HIPK2: variants seen among roughly 807,000 people sequenced by gnomAD.
HIPK2 encodes homeodomain interacting protein kinase 2.
HIPK2 carries 27 observed loss-of-function variants against 113.7 expected under a neutral mutation model. The observed-to-expected ratio is 0.24, with a 90% CI of 0.17 to 0.33. The LOEUF is 0.33. Among genes scored for constraint, HIPK2 ranks in the 10% least tolerant of loss-of-function variants. The probability of loss-of-function intolerance (pLI) is 1.00; values close to 1 mark genes in which losing one functional copy is unlikely to be tolerated. For synonymous variants in HIPK2, 631 were observed against 642.2 expected, an observed-to-expected ratio of 0.98 and a Z score of 0.26; for missense variants, 1,257 against 1,588.0, an observed-to-expected ratio of 0.79 and a Z score of 3.54.
chr7:139,753,837 T>C (rs1426670287), intron 1 of HIPK2, among the ~76,000 whole-genome samples: 1 of 152,256 alleles, frequency 6.6e-6, no homozygotes, highest in African/African-American at 2.4e-5. Context: ...CCTTTAATTA[T>C]GCCAATTGTG....
At position 139,678,720 on chromosome 7, in the gene HIPK2, G is replaced by A. The variant is rs193158088; in HGVS notation, c.1103+37212C>T. ...AAGAAAGTCAGTGGTAGCTTGATGG[G>A]GATAGCACTGAATCTATAAATTACT... is the stretch of plus-strand genomic sequence containing the variant. On this transcript the variant is annotated intron_variant, in intron 2 of 14. Transcript: ENST00000406875. Among the ~76,000 whole-genome samples, 126 of 152,202 alleles carry A rather than the reference G, an allele frequency of 8.3e-4. No individual in the cohort carries two copies. In the East Asian group the frequency reaches 0.021, roughly 26 times the overall value.
At chr7:139,595,748 T>C (rs1799186560) in intron 12 of HIPK2, among the ~76,000 whole-genome samples, 1 of 152,378 alleles carries the variant, frequency 6.6e-6, no homozygotes, top group East Asian at 1.9e-4. Flanking sequence ...CTATACATTT[T>C]GTAATGATTT....
Position 139,613,307 on chromosome 7 carries a change from G to A in HIPK2, c.2007C>T (p.Pro669=). ...GCACCGAGTAGCCAGCGTGCTTAGA[G>A]GGAGAGGCCTGCAAGCCTGTTCCAG... The part of the protein sequence containing the change: ...PPGFQGLQAS[P]SKHAGYSVRM... Residue 669 remains proline (P), a synonymous_variant, in exon 9 of 15, where the codon CCC becomes CCT. Transcript: ENST00000406875. The surrounding 1 kb of genome is among the most constrained non-coding windows in gnomAD (Gnocchi z 4.2). 3.1e-6 allele frequency: 5 copies of A among 1,613,586 alleles called. No homozygotes were observed. Among genetic ancestry groups the A allele is most frequent in the African/African-American group, 1.3e-5 (1 of 75,044 alleles).
chr7:139,605,315 G>A (rs1799583669), intron 9 of HIPK2, among the ~76,000 whole-genome samples: 1 of 151,490 alleles, frequency 6.6e-6, no homozygotes, highest in South Asian at 2.1e-4. Context: ...GCTTGTCTTT[G>A]GTCATTAGAT....
At chr7:139,696,627 A>C (rs1245129581) in intron 2 of HIPK2, among the ~76,000 whole-genome samples, 1 of 152,024 alleles carries the variant, frequency 6.6e-6, no homozygotes, top group Non-Finnish European at 1.5e-5. Flanking sequence ...TTTTCTGATT[A>C]GGGAAGATAG....
intron 2 of HIPK2, among the ~76,000 whole-genome samples, chr7:139,633,095 C>CAAAAAAAAAAAA (rs942820284): frequency 1.5e-4 from 11 of 74,630 alleles, no homozygotes; most frequent in African/African-American, 1.8e-4. Flanking sequence ...GACCCTGTCT[C>CAAAAAAAAAAAA]AAAAAAAAAA....
At chr7:139,583,541 T>G (rs1199207746) in intron 13 of HIPK2, 2 of 404,790 alleles carry the variant, frequency 4.9e-6, no homozygotes, top group Non-Finnish European at 8.9e-6. Context: ...CAGGAGGCTT[T>G]TATTTTCTAT....
At chr7:139,596,383 A>G (rs1383372119) in intron 12 of HIPK2, among the ~76,000 whole-genome samples, 1 of 152,234 alleles carries the variant, frequency 6.6e-6, no homozygotes, top group Admixed American at 6.5e-5. Context: ...GAATAAATTC[A>G]CTAGCTTGAG....
intron 1 of HIPK2, among the ~76,000 whole-genome samples, chr7:139,747,468 C>A (rs554211827): frequency 1.3e-5 from 2 of 152,310 alleles, no homozygotes; most frequent in South Asian, 4.1e-4. Context: ...AGAGACCCAG[C>A]TTCCTGGCTT....
chr7:139,585,691 A>G (rs1329135614), intron 12 of HIPK2, among the ~76,000 whole-genome samples: 1 of 152,226 alleles, frequency 6.6e-6, no homozygotes, highest in African/African-American at 2.4e-5. Flanking sequence ...GCTTTCAATG[A>G]TACACAACAC....
intron 12 of HIPK2, among the ~76,000 whole-genome samples, chr7:139,594,667 CTG>C (rs1206914620): frequency 6.6e-6 from 1 of 152,198 alleles, no homozygotes; most frequent in Non-Finnish European, 1.5e-5. Flanking sequence ...CCAGTCACAA[CTG>C]TGGACAGCTG....
At chr7:139,675,715 G>A (rs1234272970) in intron 2 of HIPK2, among the ~76,000 whole-genome samples, 2 of 152,172 alleles carry the variant, frequency 1.3e-5, no homozygotes, top group Non-Finnish European at 2.9e-5. Flanking sequence ...TGACCGATTG[G>A]GTGGGGTTGA....
chr7:139,724,378 T>C (rs1050292818), intron 1 of HIPK2, among the ~76,000 whole-genome samples: 16 of 152,198 alleles, frequency 1.1e-4, no homozygotes, highest in African/African-American at 1.7e-4. Context: ...TTCTAAATGA[T>C]ACATTTCCAA....
intron 2 of HIPK2, among the ~76,000 whole-genome samples, chr7:139,658,713 T>G (rs1424444479): frequency 6.6e-6 from 1 of 152,212 alleles, no homozygotes; most frequent in Non-Finnish European, 1.5e-5. Context: ...GGATAAGATC[T>G]TGTTTTGTAC....
In HIPK2 at chr7:139,777,729, C is replaced by A; in HGVS notation, c.-106G>T. ...ATCTGCCATCTTGAGCCTGTGTCTC[C>A]GCTCTCGGCGCAGCCGAGGCCGCCC... On this transcript the variant is annotated 5_prime_UTR_variant, in exon 1 of 15. Transcript: ENST00000406875. 1.0e-6 allele frequency: 1 copy of A among 1,002,474 alleles called. No individual in the cohort carries two copies. The allele number at this position is 1,002,474 out of a possible 1,614,324, so 62.1% of individuals were successfully genotyped here. A position where few individuals can be genotyped will look rare whatever the true frequency, so the allele number is the denominator to read the frequency against.
At chr7:139,717,363 T>C (rs1795279587) in intron 1 of HIPK2, among the ~76,000 whole-genome samples, 1 of 152,228 alleles carries the variant, frequency 6.6e-6, no homozygotes, top group African/African-American at 2.4e-5. Flanking sequence ...GGTTGCTTTC[T>C]ACTGAAACTC....
intron 2 of HIPK2, among the ~76,000 whole-genome samples, chr7:139,632,893 C>T (rs886808930): frequency 6.6e-6 from 1 of 151,938 alleles, no homozygotes; most frequent in African/African-American, 2.4e-5. Flanking sequence ...GCCTGGGCAA[C>T]ATGGCAAAAC....
In HIPK2 at chr7:139,567,599, T is replaced by G. The variant is rs117157515; in HGVS notation, c.*5328A>C. Reference sequence around the variant, plus strand: ...TTTGGTAAGGACATCTCTGGCCTGCTCAAGTTTGAAGCTTCCCCATCAGAA... The same window carrying G: ...TTTGGTAAGGACATCTCTGGCCTGCGCAAGTTTGAAGCTTCCCCATCAGAA... On this transcript the variant is annotated 3_prime_UTR_variant, in exon 15 of 15. Coordinates refer to ENST00000406875, the MANE Select transcript of HIPK2 (RefSeq NM_022740.5). The G allele has an allele frequency of 6.6e-6, 1 of 152,166 alleles. No homozygotes were observed. Among genetic ancestry groups the G allele is most frequent in the East Asian group, 1.9e-4 (1 of 5,168 alleles). 9.4% of individuals were successfully genotyped at this position (152,166 alleles called of 1,614,324 possible). A position where few individuals can be genotyped will look rare whatever the true frequency, so the allele number is the denominator to read the frequency against.
chr7:139,596,606 A>G (rs1014865727), intron 12 of HIPK2, 111 bp downstream of exon 12: 59 of 1,422,998 alleles, frequency 4.1e-5, no homozygotes, highest in African/African-American at 7.1e-5. Context: ...ACCAAACTGT[A>G]AGGGTCAGAA....
Sources: gnomAD v4.1 joint callset for allele counts (sites outside exome capture counted in the v4.1 genomes callset) on GRCh38, gnomAD v4.1.1 for gene constraint, Gnocchi (gnomAD v3.1) non-coding constraint, MANE v1.5 for transcripts, NCBI Gene and HGNC (gene_info 2026-07-23, HGNC 2026-07-21) for gene names.